BAHD1: variants seen among roughly 807,000 people sequenced by gnomAD.
The protein encoded by BAHD1 is bromo adjacent homology domain containing 1.
In BAHD1, 20 loss-of-function variants were observed where a neutral mutation model predicts 63.1. That is an observed-to-expected ratio of 0.32 (90% CI 0.22 to 0.46). The LOEUF (loss-of-function observed/expected upper bound fraction) is 0.46, where lower values mean the gene tolerates loss of function less well. Ranked by LOEUF, BAHD1 falls within the 20% of genes least tolerant of loss-of-function variation. The pLI, the probability that BAHD1 is intolerant of heterozygous loss-of-function variation, is 1.00. For synonymous variants in BAHD1, 408 were observed against 426.8 expected (o/e 0.96, Z 0.54); for missense variants, 939 against 1,071.8 (o/e 0.88, Z 1.73).
At chr15:40,461,802 C>G in intron 2 of BAHD1, 110 bp from the exon 3 acceptor site, 1 of 1,373,528 alleles carries the variant, frequency 7.3e-7, no homozygotes, top group South Asian at 1.5e-5. Context: ...TCGGCCACCT[C>G]AGTGGCCTTT....
intron 1 of BAHD1, among the ~76,000 whole-genome samples, chr15:40,451,652 G>GC (rs150649894): frequency 0.02 from 3,111 of 152,346 alleles, 105 homozygotes; most frequent in African/African-American, 0.071. Context: ...CACAGGATTA[G>GC]CAGTGGCATG....
At chr15:40,449,952 G>A (rs1016431235) in intron 1 of BAHD1, among the ~76,000 whole-genome samples, 1 of 152,190 alleles carries the variant, frequency 6.6e-6, no homozygotes, top group Non-Finnish European at 1.5e-5. Context: ...CCTGGGGATG[G>A]AGGAGAGTTT....
In BAHD1 at chr15:40,466,342, T is replaced by G. The variant is rs1190883165; in HGVS notation, c.*212T>G. On this transcript the variant is annotated 3_prime_UTR_variant, in exon 7 of 7. Coordinates refer to ENST00000416165, the MANE Select transcript of BAHD1 (RefSeq NM_014952.5). ...GGGTATAAGAAAAGCATCAGAACTC[T>G]CAGCTTGGCCCAAGGTACCTTCTGT... is the stretch of plus-strand genomic sequence containing the variant. 1 of 474,234 alleles carries G rather than the reference T, an allele frequency of 2.1e-6. No individual in the cohort carries two copies. The highest frequency in any genetic ancestry group is 2.0e-5 in the African/African-American group (1 of 50,096). The allele number at this position is 474,234 out of a possible 1,614,324, so 29.4% of individuals were successfully genotyped here. A position where few individuals can be genotyped will look rare whatever the true frequency, so the allele number is the denominator to read the frequency against.
chr15:40,462,558 C>A (rs1176214566), intron 3 of BAHD1, among the ~76,000 whole-genome samples: 1 of 152,180 alleles, frequency 6.6e-6, no homozygotes, highest in East Asian at 1.9e-4. Context: ...TGAGTGTCTT[C>A]CCCTCCCCTC....
Position 40,461,933 on chromosome 15 carries a change from A to G in BAHD1, c.1454A>G (p.Gln485Arg). The change falls in exon 3 of 7, where the codon CAG (glutamine) becomes CGG (arginine). Residue 485 changes from glutamine to arginine, a missense_variant. Around this residue, in one of 5 missense-constraint regions of BAHD1, gnomAD observed 797 missense variants for 813.3 expected, o/e 0.98. Coordinates refer to ENST00000416165, the MANE Select transcript of BAHD1 (RefSeq NM_014952.5). ...CTAGAAGGCTGCAGATCCCTGGGCC[A>G]GTTGGAATTTCCTCTCCCGGAAGCT... ...FAAEGCRSLG[Q>R]LEFPLPEAGH... 2 of 1,604,592 alleles carry G rather than the reference A, an allele frequency of 1.2e-6. No individual in the cohort carries two copies. The highest frequency in any genetic ancestry group is 1.3e-5 in the African/African-American group (1 of 74,872).
At chr15:40,464,307 G>A in intron 4 of BAHD1, 164 bp from the exon 5 acceptor site, 1 of 677,242 alleles carries the variant, frequency 1.5e-6, no homozygotes, top group Non-Finnish European at 2.5e-6. Context: ...ATGCCTAACA[G>A]CATTCCAGGC....
At chr15:40,445,691 A>G (rs578045270) in intron 1 of BAHD1, among the ~76,000 whole-genome samples, 1 of 152,348 alleles carries the variant, frequency 6.6e-6, no homozygotes, top group East Asian at 1.9e-4. Context: ...CCTCCTTTTT[A>G]TGAATGGGTT....
intron 1 of BAHD1, among the ~76,000 whole-genome samples, chr15:40,456,346 C>T (rs568749987): frequency 1.9e-4 from 29 of 152,294 alleles, no homozygotes; most frequent in South Asian, 1.9e-3. Context: ...AAGAGACTTA[C>T]GGAGCCTAGC....
chr15:40,451,953 C>T (rs917912928), intron 1 of BAHD1, among the ~76,000 whole-genome samples: 13 of 152,332 alleles, frequency 8.5e-5, no homozygotes, highest in Admixed American at 5.2e-4. Context: ...GGTTAAAGTT[C>T]GTAAGGCAGA....
rs1191094916 is a variant in BAHD1 at position 40,458,997 on chromosome 15, G to A, written c.533G>A (p.Gly178Glu). 1 of 1,585,374 alleles carries A rather than the reference G, an allele frequency of 6.3e-7. No individual in the cohort carries two copies. The highest frequency in any genetic ancestry group is 1.1e-5 in the South Asian group (1 of 87,792). ...CGGCCCCGGCTGGGGGACCTTGGAG[G>A]AGGAAGTCGGGACCTGTCTCCAGAG... ...KKRPRLGDLGGGSRDLSPEPA... is the reference protein window; with the variant it reads ...KKRPRLGDLGEGSRDLSPEPA... Residue 178 changes from glycine to glutamate, a missense_variant, in exon 2 of 7, where the codon GGA (glycine) becomes GAA (glutamate). By Grantham distance (98) the Gly-to-Glu change is moderately conservative. Around this residue, in one of 5 missense-constraint regions of BAHD1, gnomAD observed 797 missense variants for 813.3 expected, o/e 0.98. Transcript: ENST00000416165. This position sits in a 1 kb window ranked among gnomAD's most constrained non-coding sequence, Gnocchi z 4.7.
intron 1 of BAHD1, among the ~76,000 whole-genome samples, chr15:40,441,945 C>A (rs952180939): frequency 6.6e-6 from 1 of 151,584 alleles, no homozygotes; most frequent in South Asian, 2.1e-4. Flanking sequence ...GCGCCGAAGA[C>A]GGAAGGGGAC....
At chr15:40,441,743 G>C (rs967320977) in intron 1 of BAHD1, among the ~76,000 whole-genome samples, 2 of 149,948 alleles carry the variant, frequency 1.3e-5, no homozygotes, top group Non-Finnish European at 3.0e-5. Flanking sequence ...CCCCCATCGC[G>C]GTCCCCGAGG....
chr15:40,464,307 G>C, intron 4 of BAHD1, 164 bp from the exon 5 acceptor site: 1 of 677,242 alleles, frequency 1.5e-6, no homozygotes, highest in Non-Finnish European at 2.5e-6. Flanking sequence ...ATGCCTAACA[G>C]CATTCCAGGC....
intron 1 of BAHD1, chr15:40,453,474 G>C (rs1356308084): frequency 2.0e-5 from 3 of 152,180 alleles, no homozygotes; most frequent in Non-Finnish European, 2.9e-5. Flanking sequence ...TTCCTTTCAT[G>C]GATGGGAGGG....
intron 2 of BAHD1, 34 bp downstream of exon 2, chr15:40,459,930 G>T: frequency 6.5e-7 from 1 of 1,535,448 alleles, no homozygotes; most frequent in South Asian, 1.3e-5. Flanking sequence ...GTACTGGGGA[G>T]TCTCGGAGAC....
rs376023921 is a variant in BAHD1 at position 40,451,451 on chromosome 15, T to G, written c.-14-7000T>G. Among the ~76,000 whole-genome samples the G allele has an allele frequency of 1.1e-4, 17 of 152,368 alleles. No individual in the cohort carries two copies. The South Asian group carries it at 1.7e-3, about 15-fold the overall frequency. On this transcript the variant is annotated intron_variant, in intron 1 of 6. Coordinates refer to ENST00000416165, the MANE Select transcript of BAHD1 (RefSeq NM_014952.5). ...TGCTCCAACTCTTAGTCTTTTGCAT[T>G]TTTTTCCAGCACTTAGTCTGGTGCT...
At chr15:40,456,973 C>G (rs1893867925) in intron 1 of BAHD1, among the ~76,000 whole-genome samples, 1 of 152,202 alleles carries the variant, frequency 6.6e-6, no homozygotes, top group East Asian at 1.9e-4. Context: ...ATGCCAGCTT[C>G]CAGTGCACAG....
rs1356341759 is a variant in BAHD1 at position 40,457,033 on chromosome 15, A to G, written c.-14-1418A>G. Among the ~76,000 whole-genome samples, 9 of 152,244 alleles carry G rather than the reference A, an allele frequency of 5.9e-5. No individual in the cohort carries two copies. The East Asian group carries it at 1.5e-3, about 26-fold the overall frequency. ...CTGGGGCCCAGGCTGCCGCAGGTGT[A>G]TGTTGGAGTGTTTTGCCAAGCAAAG... is the stretch of plus-strand genomic sequence containing the variant. On this transcript the variant is annotated intron_variant, in intron 1 of 6. Transcript: ENST00000416165.
Position 40,466,149 on chromosome 15 carries a change from G to C in BAHD1, c.*19G>C. ...CCAGTAGCCTCCTCATGCCCATGCT[G>C]GGGCTACCCATGGGCAAGTGGGGCT... On this transcript the variant is annotated 3_prime_UTR_variant, in exon 7 of 7. Coordinates refer to ENST00000416165, the MANE Select transcript of BAHD1 (RefSeq NM_014952.5). 1 of 1,606,762 alleles carries C rather than the reference G, an allele frequency of 6.2e-7. No homozygotes were observed. Among genetic ancestry groups the C allele is most frequent in the Non-Finnish European group, 8.5e-7 (1 of 1,175,868 alleles).
Sources: allele counts gnomAD v4.1 joint callset (sites outside exome capture counted in the v4.1 genomes callset), GRCh38; gene constraint gnomAD v4.1.1; regional missense constraint gnomAD v4.1.1; non-coding constraint Gnocchi (gnomAD v3.1); transcripts MANE v1.5; gene names NCBI Gene and HGNC (gene_info 2026-07-23, HGNC 2026-07-21).